ITGA9: variants seen among roughly 807,000 people sequenced by gnomAD.
The protein encoded by ITGA9 is integrin alpha-9.
In ITGA9, 56 loss-of-function variants were observed where a neutral mutation model predicts 127.8. That is an observed-to-expected ratio of 0.44 (90% confidence interval 0.35 to 0.55). The LOEUF is 0.55. ITGA9 is among the 20% of genes least tolerant of loss of function. ITGA9 has a pLI of 0.00. For missense variants in ITGA9, 1,196 were observed against 1,347.1 expected, an observed-to-expected ratio of 0.89 and a Z score of 1.76; for synonymous variants, 508 against 514.5, an observed-to-expected ratio of 0.99 and a Z score of 0.17.
intron 16 of ITGA9, among the ~76,000 whole-genome samples, chr3:37,647,853 GTA>G (rs145003216): frequency 2.6e-5 from 4 of 151,510 alleles, no homozygotes; most frequent in Non-Finnish European, 2.9e-5. Context: ...TTATATATGT[GTA>G]TATATATATG....
Position 37,542,590 on chromosome 3 carries a change from GTCCTCTCCTCCTTTTTA to G in ITGA9, c.1689+11_1689+27del, listed in dbSNP as rs770497212. The G allele has an allele frequency of 6.2e-7, 1 of 1,614,068 alleles. No homozygotes were observed. The highest frequency in any genetic ancestry group is 1.1e-5 in the South Asian group (1 of 91,074). On this transcript the variant is annotated splice_donor_region_variant and intron_variant, in intron 15 of 27. Transcript: ENST00000264741. The stretch of plus-strand genomic sequence containing the variant: ...CACTATGTGGCCCATGTGAAGGTCA[GTCCTCTCCTCCTTTTTA>G]TCCTCAAACTTTGATCTCTGCAGAT...
At chr3:37,728,125 T>C (rs1466568874) in intron 18 of ITGA9, among the ~76,000 whole-genome samples, 3 of 152,206 alleles carry the variant, frequency 2.0e-5, no homozygotes, top group Non-Finnish European at 2.9e-5. Context: ...TCAGCCTTGA[T>C]AAATGCTAAT....
At chr3:37,768,916 G>A (rs548591522) in intron 23 of ITGA9, among the ~76,000 whole-genome samples, 3 of 151,928 alleles carry the variant, frequency 2.0e-5, no homozygotes, top group Non-Finnish European at 4.4e-5. Context: ...GGTGATGCAC[G>A]CATTCAAGGG....
intron 5 of ITGA9, among the ~76,000 whole-genome samples, chr3:37,502,135 A>C (rs1698792959): frequency 6.6e-6 from 1 of 151,940 alleles, no homozygotes; most frequent in Non-Finnish European, 1.5e-5. Context: ...TCTGGGGCAC[A>C]AACATGCTCT....
intron 21 of ITGA9, among the ~76,000 whole-genome samples, chr3:37,742,305 C>T (rs940201985): frequency 4.6e-5 from 7 of 152,122 alleles, no homozygotes; most frequent in Admixed American, 3.9e-4. Context: ...CTGTTAACTC[C>T]CTCTGCAGAG....
chr3:37,611,686 A>G (rs374601213), intron 15 of ITGA9, among the ~76,000 whole-genome samples: 2 of 152,084 alleles, frequency 1.3e-5, no homozygotes, highest in Non-Finnish European at 1.5e-5. Context: ...TTGTGGGGTC[A>G]GTGTTTTGAC....
intron 17 of ITGA9, among the ~76,000 whole-genome samples, chr3:37,669,070 G>T (rs898978114): frequency 6.6e-6 from 1 of 152,176 alleles, no homozygotes; most frequent in African/African-American, 2.4e-5. Context: ...GAAGGTACCA[G>T]GTAGAGAACC....
At chr3:37,467,495 T>A (rs890183165) in intron 1 of ITGA9, among the ~76,000 whole-genome samples, 4 of 152,280 alleles carry the variant, frequency 2.6e-5, no homozygotes, top group African/African-American at 9.6e-5. Flanking sequence ...CCTGCTTAGA[T>A]AACCTATGAA....
intron 27 of ITGA9, among the ~76,000 whole-genome samples, chr3:37,813,773 C>CGT (rs201178022): frequency 0.03 from 4,505 of 152,258 alleles, 103 homozygotes; most frequent in Non-Finnish European, 0.045. Context: ...ACTTACTTAG[C>CGT]AAGTCCTCAA....
rs538542723 is a variant in ITGA9, at chr3:37,766,738, C to A, written c.2542-10654C>A. On this transcript the variant is annotated intron_variant, in intron 23 of 27. Transcript: ENST00000264741. ...GGGGGCTATTCACTCATTTATTACC[C>A]AAATCAACAGACCATTCTGCTTCCA... Among the ~76,000 whole-genome samples the A allele has an allele frequency of 3.9e-5, 6 of 152,322 alleles. No individual in the cohort carries two copies. In the East Asian group the frequency reaches 1.2e-3, roughly 29 times the overall value.
At chr3:37,464,377 C>T (rs959386525) in intron 1 of ITGA9, among the ~76,000 whole-genome samples, 2 of 150,990 alleles carry the variant, frequency 1.3e-5, no homozygotes, top group Non-Finnish European at 2.9e-5. Flanking sequence ...GGAGTTAGAA[C>T]TGGGATGAGT....
chr3:37,474,365 T>C (rs1226097189), intron 3 of ITGA9, among the ~76,000 whole-genome samples: 2 of 152,224 alleles, frequency 1.3e-5, no homozygotes, highest in Non-Finnish European at 2.9e-5. Context: ...GGCTACTCTA[T>C]TGGAAAGCAG....
intron 15 of ITGA9, among the ~76,000 whole-genome samples, chr3:37,583,724 C>T (rs1473703910): frequency 6.6e-6 from 1 of 152,220 alleles, no homozygotes; most frequent in African/African-American, 2.4e-5. Context: ...TGCTTCTCTA[C>T]TTTTCTCACT....
intron 17 of ITGA9, among the ~76,000 whole-genome samples, chr3:37,675,089 T>A (rs993088707): frequency 3.9e-5 from 6 of 152,212 alleles, no homozygotes; most frequent in Admixed American, 2.6e-4. Flanking sequence ...CTTTTATATT[T>A]ATGTGCTATG....
At chr3:37,603,359 T>A (rs953681512) in intron 15 of ITGA9, among the ~76,000 whole-genome samples, 10 of 152,228 alleles carry the variant, frequency 6.6e-5, no homozygotes, top group Non-Finnish European at 1.3e-4. Context: ...TTGGGTATTA[T>A]AAGTAATCTA....
intron 17 of ITGA9, among the ~76,000 whole-genome samples, chr3:37,671,989 T>G (rs1436283634): frequency 6.6e-6 from 1 of 152,192 alleles, no homozygotes; most frequent in Non-Finnish European, 1.5e-5. Context: ...AAAGCAGAAC[T>G]TAATTAATGT....
chr3:37,822,219 A>C lies in ITGA9; in HGVS notation c.*3230A>C, dbSNP rs534319679. The C allele has an allele frequency of 1.3e-5, 2 of 152,276 alleles. No homozygotes were observed. The highest frequency in any genetic ancestry group is 1.3e-4 in the Admixed American group (2 of 15,296). The allele number at this position is 152,276 out of a possible 1,614,324, so 9.4% of individuals were successfully genotyped here. A position where few individuals can be genotyped will look rare whatever the true frequency, so the allele number is the denominator to read the frequency against. ...TCAGTTTCCTTCAGCTTTTAGTTGA[A>C]TCTTCAATGTGGTTTTAACCAACTG... On this transcript the variant is annotated 3_prime_UTR_variant, in exon 28 of 28. Transcript: ENST00000264741.
At chr3:37,714,222 C>T (rs762604587) in intron 18 of ITGA9, among the ~76,000 whole-genome samples, 1 of 152,222 alleles carries the variant, frequency 6.6e-6, no homozygotes, top group Non-Finnish European at 1.5e-5. Context: ...ACCTACCTCA[C>T]GGTGTCAGTG....
intron 15 of ITGA9, among the ~76,000 whole-genome samples, chr3:37,622,275 G>A (rs964240358): frequency 6.6e-6 from 1 of 151,684 alleles, no homozygotes; most frequent in African/African-American, 2.4e-5. Context: ...TTTTTTAGTA[G>A]AGACAGGGTT....
Sources: allele counts gnomAD v4.1 joint callset (sites outside exome capture counted in the v4.1 genomes callset), GRCh38; gene constraint gnomAD v4.1.1; transcripts MANE v1.5; gene names NCBI Gene and HGNC (gene_info 2026-07-23, HGNC 2026-07-21).